ROBO2: variants seen among roughly 807,000 people sequenced by gnomAD.
The protein encoded by ROBO2 is roundabout homolog 2.
In ROBO2, 53 loss-of-function variants were observed where a neutral mutation model predicts 160.8. That is an observed-to-expected ratio of 0.33 (90% CI 0.26 to 0.41). ROBO2 has a LOEUF of 0.41. Ranked by LOEUF, ROBO2 falls within the 10% of genes least tolerant of loss-of-function variation. The pLI, the probability that ROBO2 is intolerant of heterozygous loss-of-function variation, is 1.00. For synonymous variants in ROBO2, 664 were observed against 611.7 expected (o/e 1.09, Z -1.26); for missense variants, 1,577 against 1,722.4 (o/e 0.92, Z 1.49).
intron 2 of ROBO2, among the ~76,000 whole-genome samples, chr3:75,995,154 G>A (rs1048745647): frequency 6.6e-6 from 1 of 152,186 alleles, no homozygotes; most frequent in Non-Finnish European, 1.5e-5. Context: ...AAGTAATGAG[G>A]AGCTAAATGC....
intron 2 of ROBO2, among the ~76,000 whole-genome samples, chr3:76,501,797 G>C (rs1013021586): frequency 6.6e-6 from 1 of 152,130 alleles, no homozygotes; most frequent in Non-Finnish European, 1.5e-5. Flanking sequence ...ACAGGGTACA[G>C]AAAATAAGTA....
intron 2 of ROBO2, among the ~76,000 whole-genome samples, chr3:76,459,907 G>A (rs2106750405): frequency 6.6e-6 from 1 of 152,140 alleles, no homozygotes; most frequent in African/African-American, 2.4e-5. Context: ...CTCCAAATGT[G>A]TGGTTTAACA....
At chr3:75,979,975 G>A (rs1200215421) in intron 2 of ROBO2, among the ~76,000 whole-genome samples, 3 of 151,312 alleles carry the variant, frequency 2.0e-5, no homozygotes, top group African/African-American at 4.8e-5. Context: ...TAAAAGTGCT[G>A]AATTATATGC....
chr3:76,615,284 C>G (rs993273819), intron 2 of ROBO2, among the ~76,000 whole-genome samples: 1 of 151,856 alleles, frequency 6.6e-6, no homozygotes, highest in Non-Finnish European at 1.5e-5. Flanking sequence ...TTTTTTAACC[C>G]ACAAGCAATT....
intron 2 of ROBO2, among the ~76,000 whole-genome samples, chr3:77,114,014 G>C (rs976648740): frequency 6.6e-6 from 1 of 152,166 alleles, no homozygotes. Context: ...TGAGAGGCAG[G>C]CATGAGATGA....
chr3:77,432,580 T>G (rs2153542984), intron 2 of ROBO2, among the ~76,000 whole-genome samples: 1 of 152,262 alleles, frequency 6.6e-6, no homozygotes, highest in African/African-American at 2.4e-5. Flanking sequence ...TTTTTATTGG[T>G]GCACAGCTGT....
chr3:76,187,470 T>C (rs1216204656), intron 2 of ROBO2, among the ~76,000 whole-genome samples: 4 of 152,014 alleles, frequency 2.6e-5, no homozygotes, highest in African/African-American at 4.8e-5. Context: ...AAGTGAGGTC[T>C]TGCTGTGTTG....
At position 76,288,238 on chromosome 3, in the gene ROBO2, C is replaced by T. The variant is rs191174655; in HGVS notation, c.109+350636C>T. Among the ~76,000 whole-genome samples, 519 of 152,160 alleles carry T rather than the reference C, an allele frequency of 3.4e-3. 6 individuals are homozygous for T. Among genetic ancestry groups the T allele is most frequent in the Admixed American group, 0.025 (378 of 15,296 alleles). ...ACTAATTAAAATAGGAAATAACCTC[C>T]TATAGCATGCTCTCAATAATAAGGA... On this transcript the variant is annotated intron_variant, in intron 2 of 26. Coordinates refer to the ROBO2 transcript ENST00000487694.
At chr3:76,834,013 C>CATTT in intron 2 of ROBO2, among the ~76,000 whole-genome samples, 1 of 121,234 alleles carries the variant, frequency 8.2e-6, no homozygotes, top group South Asian at 3.0e-4. Context: ...TTCTTTCTTT[C>CATTT]CTTTCTTTCT....
At chr3:76,031,129 G>A (rs1214130874) in intron 2 of ROBO2, among the ~76,000 whole-genome samples, 6 of 152,074 alleles carry the variant, frequency 3.9e-5, no homozygotes, top group South Asian at 2.1e-4. Context: ...CTTCATAGCA[G>A]TTGTGAATGG....
intron 2 of ROBO2, among the ~76,000 whole-genome samples, chr3:76,563,625 TAA>T (rs1560155242): frequency 6.6e-6 from 1 of 152,188 alleles, no homozygotes; most frequent in African/African-American, 2.4e-5. Flanking sequence ...ATGTTAATGG[TAA>T]AAGAAGTTTG....
At chr3:77,645,019 C>A in intron 25 of ROBO2, 115 bp downstream of exon 27, 1 of 1,033,448 alleles carries the variant, frequency 9.7e-7, no homozygotes, top group Non-Finnish European at 1.5e-6. Context: ...GTTACAAAAA[C>A]AATCAATTGC....
At chr3:77,511,771 T>C (rs1490407811) in intron 5 of ROBO2, among the ~76,000 whole-genome samples, 2 of 151,972 alleles carry the variant, frequency 1.3e-5, no homozygotes, top group Non-Finnish European at 2.9e-5. Flanking sequence ...TTCATTTTGG[T>C]TTTCTGTAGA....
intron 2 of ROBO2, among the ~76,000 whole-genome samples, chr3:75,979,546 A>G (rs1187043757): frequency 2.0e-5 from 3 of 151,486 alleles, no homozygotes; most frequent in East Asian, 2.0e-4. Context: ...TTGGGAGCAC[A>G]TGGAAATTCT....
At chr3:77,556,730 T>C (rs1015824066) in intron 8 of ROBO2, among the ~76,000 whole-genome samples, 4 of 151,966 alleles carry the variant, frequency 2.6e-5, no homozygotes, top group African/African-American at 9.7e-5. Context: ...ACAGTTTATC[T>C]TCACAGTTGC....
chr3:76,216,520 A>C (rs1703542741), intron 2 of ROBO2, among the ~76,000 whole-genome samples: 4 of 152,310 alleles, frequency 2.6e-5, no homozygotes, highest in Admixed American at 6.5e-5. Context: ...CTAGTCTCTG[A>C]TAAAACAGAC....
intron 2 of ROBO2, among the ~76,000 whole-genome samples, chr3:76,380,793 C>A (rs1412337568): frequency 2.0e-5 from 3 of 151,942 alleles, no homozygotes; most frequent in African/African-American, 7.3e-5. Flanking sequence ...ACTGTATTCA[C>A]AAACTATCTC....
intron 2 of ROBO2, among the ~76,000 whole-genome samples, chr3:76,098,636 AAATT>A (rs1055608493): frequency 5.9e-5 from 9 of 152,104 alleles, no homozygotes; most frequent in African/African-American, 2.2e-4. Flanking sequence ...TATATAAAAT[AAATT>A]ATCATTTAAG....
At chr3:75,950,790 G>A (rs990680403) in intron 2 of ROBO2, among the ~76,000 whole-genome samples, 25 of 151,980 alleles carry the variant, frequency 1.6e-4, no homozygotes, top group African/African-American at 6.0e-4. Flanking sequence ...ATGTCTATGT[G>A]GTTCCAGTCT....
Sources: allele counts gnomAD v4.1 joint callset (sites outside exome capture counted in the v4.1 genomes callset), GRCh38; gene constraint gnomAD v4.1.1; transcripts MANE v1.5; gene names NCBI Gene and HGNC (gene_info 2026-07-23, HGNC 2026-07-21).